SPMIP2: variants seen among roughly 807,000 people sequenced by gnomAD.
SPMIP2 encodes protein SPMIP2.
chr4:158,971,506 A>G, the SPMIP2 span, among the ~76,000 whole-genome samples: 6 of 152,168 alleles, frequency 3.9e-5, no homozygotes, highest in Non-Finnish European at 7.3e-5. Context: ...AACATATTAC[A>G]ATACATTAAA....
chr4:159,008,370 C>T, the SPMIP2 span, among the ~76,000 whole-genome samples: 4 of 152,126 alleles, frequency 2.6e-5, no homozygotes, highest in African/African-American at 9.7e-5. Context: ...GTCAGGGGTT[C>T]GAGACCAGCC....
At chr4:159,061,582 C>T in the SPMIP2 span, among the ~76,000 whole-genome samples, 7 of 152,024 alleles carry the variant, frequency 4.6e-5, no homozygotes, top group South Asian at 6.2e-4. Context: ...CCGAGGCAGG[C>T]GTATCACCTG....
the SPMIP2 span, chr4:159,064,202 C>T: frequency 5.3e-5 from 8 of 152,132 alleles, no homozygotes; most frequent in African/African-American, 1.9e-4. Flanking sequence ...CAGAGTGAGA[C>T]TCCATCTCAA....
At chr4:158,927,156 G>T in the SPMIP2 span, among the ~76,000 whole-genome samples, 1 of 152,234 alleles carries the variant, frequency 6.6e-6, no homozygotes, top group South Asian at 2.1e-4. Flanking sequence ...CTGTCTTCCT[G>T]ATAGACTGAC....
At chr4:158,936,005 C>T in the SPMIP2 span, among the ~76,000 whole-genome samples, 1 of 152,164 alleles carries the variant, frequency 6.6e-6, no homozygotes, top group Non-Finnish European at 1.5e-5. Flanking sequence ...TCAATGAACT[C>T]TCAGTATTTT....
the SPMIP2 span, among the ~76,000 whole-genome samples, chr4:158,957,878 C>T: frequency 4.6e-5 from 7 of 152,280 alleles, no homozygotes; most frequent in South Asian, 4.1e-4. Flanking sequence ...CGGATGGATT[C>T]GGGTCAGATG....
the SPMIP2 span, among the ~76,000 whole-genome samples, chr4:158,996,510 A>G: frequency 2.0e-5 from 3 of 152,222 alleles, no homozygotes; most frequent in South Asian, 6.2e-4. Context: ...ATAAAAATCC[A>G]TTTGAGTGCT....
chr4:159,027,584 A>C, the SPMIP2 span, among the ~76,000 whole-genome samples: 5 of 152,226 alleles, frequency 3.3e-5, no homozygotes, highest in Admixed American at 6.5e-5. Context: ...TTAAAAATCT[A>C]AAAGAGTTGT....
the SPMIP2 span, among the ~76,000 whole-genome samples, chr4:158,974,230 C>A: frequency 1.4e-5 from 2 of 147,930 alleles, no homozygotes. Context: ...AAACAATGAA[C>A]AAAAAAAAAA....
chr4:159,008,181 C>T, the SPMIP2 span, among the ~76,000 whole-genome samples: 1 of 152,342 alleles, frequency 6.6e-6, no homozygotes, highest in Non-Finnish European at 1.5e-5. Context: ...CTTTCATATA[C>T]ATATTGATAC....
chr4:159,065,538 C>T, the SPMIP2 span, among the ~76,000 whole-genome samples: 2 of 152,014 alleles, frequency 1.3e-5, no homozygotes, highest in African/African-American at 2.4e-5. Context: ...GGCAGCATGG[C>T]GAAACCCTCT....
At chr4:159,004,289 C>CTT in the SPMIP2 span, among the ~76,000 whole-genome samples, 25,121 of 77,142 alleles carry the variant, frequency 0.33, 5,585 homozygotes, top group South Asian at 0.52. Context: ...ACTCTGTGCT[C>CTT]TTTTTTTTTT....
chr4:158,980,387 T>G, the SPMIP2 span, among the ~76,000 whole-genome samples: 1 of 152,244 alleles, frequency 6.6e-6, no homozygotes, highest in Non-Finnish European at 1.5e-5. Flanking sequence ...ACTGGGTCCC[T>G]GACCCCCATG....
chr4:159,046,187 C>T, the SPMIP2 span, among the ~76,000 whole-genome samples: 1 of 151,140 alleles, frequency 6.6e-6, no homozygotes, highest in Non-Finnish European at 1.5e-5. Context: ...AGTGACTGAG[C>T]CACTGCACTC....
chr4:159,045,972 G>A, the SPMIP2 span, among the ~76,000 whole-genome samples: 14 of 152,256 alleles, frequency 9.2e-5, no homozygotes, highest in South Asian at 2.1e-4. Context: ...AGCTGAGGCC[G>A]GGCACGGTGG....
At chr4:158,901,687 G>C in the SPMIP2 span, among the ~76,000 whole-genome samples, 16 of 151,168 alleles carry the variant, frequency 1.1e-4, no homozygotes, top group Middle Eastern at 3.4e-3. Flanking sequence ...TTGTTCGTTT[G>C]TTTTCATTTT....
chr4:159,063,063 G>A, the SPMIP2 span, among the ~76,000 whole-genome samples: 4 of 152,006 alleles, frequency 2.6e-5, no homozygotes, highest in African/African-American at 9.7e-5. Context: ...CTATCATTTG[G>A]TGTAAGTTTA....
the SPMIP2 span, among the ~76,000 whole-genome samples, chr4:158,962,860 G>A: frequency 7.3e-3 from 1,103 of 152,112 alleles, 15 homozygotes; most frequent in African/African-American, 0.025. Context: ...CATTTCTCTT[G>A]TTAAAGGAAA....
the SPMIP2 span, chr4:159,007,135 G>A: frequency 1.5e-6 from 1 of 684,200 alleles, no homozygotes; most frequent in East Asian, 3.3e-5. Context: ...CAAGCCGTGT[G>A]GGGTGCGCCT....
Sources: allele counts gnomAD v4.1 joint callset (sites outside exome capture counted in the v4.1 genomes callset), GRCh38; gene constraint gnomAD v4.1.1; transcripts MANE v1.5; gene names NCBI Gene and HGNC (gene_info 2026-07-23, HGNC 2026-07-21).